ATP2B2: variants seen among roughly 807,000 people sequenced by gnomAD.
The protein encoded by ATP2B2 is plasma membrane calcium-transporting ATPase 2.
A neutral mutation model predicts 120.0 loss-of-function variants in ATP2B2; 15 were observed. The ratio of observed to expected loss-of-function variants is 0.12; its 90% confidence interval spans 0.08 to 0.19. The LOEUF (loss-of-function observed/expected upper bound fraction) is 0.19. ATP2B2 is among the 10% of genes least tolerant of loss of function. The probability of loss-of-function intolerance (pLI) is 1.00; values close to 1 mark genes in which losing one functional copy is unlikely to be tolerated. For missense variants in ATP2B2, 1,045 were observed against 1,719.8 expected (o/e 0.61, Z 6.94); for synonymous variants, 694 against 700.3 (o/e 0.99, Z 0.14).
intron 2 of ATP2B2, among the ~76,000 whole-genome samples, chr3:10,588,989 C>T (rs754126125): frequency 5.3e-5 from 8 of 152,130 alleles, no homozygotes; most frequent in Non-Finnish European, 7.3e-5. Context: ...GTTCCCAGAT[C>T]CCGACATCTT....
intron 1 of ATP2B2, among the ~76,000 whole-genome samples, chr3:10,661,590 A>G (rs1279569388): frequency 6.6e-6 from 1 of 152,230 alleles, no homozygotes; most frequent in Non-Finnish European, 1.5e-5. Flanking sequence ...CTGCTCAATG[A>G]AATAAAAGAG....
At chr3:10,521,888 A>C (rs545270671) in intron 3 of ATP2B2, among the ~76,000 whole-genome samples, 18 of 152,342 alleles carry the variant, frequency 1.2e-4, no homozygotes, top group Middle Eastern at 6.8e-3. Context: ...GGGAGGCAAT[A>C]TTAGCCCATT....
In ATP2B2 at chr3:10,599,317, T is replaced by G. The variant is rs577771789; in HGVS notation, c.-415+20600A>C. Among the ~76,000 whole-genome samples the G allele has an allele frequency of 3.9e-5, 6 of 152,290 alleles. No individual in the cohort carries two copies. In the South Asian group the frequency reaches 1.2e-3, roughly 32 times the overall value. On this transcript the variant is annotated intron_variant, in intron 2 of 21. Transcript: ENST00000646379. ...TGCTTCTCGCCATTGGTTCCCAGAA[T>G]TGGCCTCGCCCTCCTGAGCACTCCA...
At chr3:10,619,005 C>T (rs2069473106) in intron 2 of ATP2B2, among the ~76,000 whole-genome samples, 1 of 152,130 alleles carries the variant, frequency 6.6e-6, no homozygotes, top group African/African-American at 2.4e-5. Flanking sequence ...CTTGTCAAAC[C>T]TTGGAGCAGT....
intron 14 of ATP2B2, among the ~76,000 whole-genome samples, chr3:10,353,855 G>A (rs1001062324): frequency 4.6e-5 from 7 of 152,158 alleles, no homozygotes; most frequent in Non-Finnish European, 8.8e-5. Context: ...CATGAGCCCT[G>A]GTTTCCTCAT....
chr3:10,547,810 G>T (rs1263052111), intron 2 of ATP2B2, among the ~76,000 whole-genome samples: 1 of 152,158 alleles, frequency 6.6e-6, no homozygotes, highest in Non-Finnish European at 1.5e-5. Context: ...ATGCCAAAGT[G>T]GAAGGGAATC....
At chr3:10,414,635 T>G (rs1276968925) in intron 2 of ATP2B2, among the ~76,000 whole-genome samples, 1 of 152,204 alleles carries the variant, frequency 6.6e-6, no homozygotes, top group African/African-American at 2.4e-5. Flanking sequence ...ATTAAAAACA[T>G]GCCAGGGCCA....
intron 7 of ATP2B2, among the ~76,000 whole-genome samples, chr3:10,385,645 C>G (rs2061655213): frequency 6.6e-6 from 1 of 152,170 alleles, no homozygotes; most frequent in South Asian, 2.1e-4. Context: ...AGAGAGTCCC[C>G]TGGAAGAGAG....
intron 1 of ATP2B2, among the ~76,000 whole-genome samples, chr3:10,489,192 C>T (rs1182042840): frequency 6.6e-6 from 1 of 152,204 alleles, no homozygotes; most frequent in African/African-American, 2.4e-5. Flanking sequence ...CTTCCCTGAC[C>T]TGATTCAAAA....
chr3:10,416,805 A>C (rs933763339), intron 2 of ATP2B2, among the ~76,000 whole-genome samples: 4 of 152,046 alleles, frequency 2.6e-5, no homozygotes, highest in Admixed American at 1.3e-4. Flanking sequence ...TTAATGTCGA[A>C]AATGCAAACG....
At chr3:10,414,850 G>C (rs995331440) in intron 2 of ATP2B2, among the ~76,000 whole-genome samples, 25 of 152,000 alleles carry the variant, frequency 1.6e-4, no homozygotes, top group Admixed American at 7.9e-4. Context: ...GAGGCCCTCT[G>C]TTCTTCAGAA....
chr3:10,465,884 T>A (rs2064716999), intron 1 of ATP2B2, among the ~76,000 whole-genome samples: 1 of 152,134 alleles, frequency 6.6e-6, no homozygotes, highest in South Asian at 2.1e-4. Context: ...CTGCACTGAG[T>A]TGGTCCCTAA....
At chr3:10,488,269 CCATCCATGCATGCATCCAT>C (rs2065784833) in intron 1 of ATP2B2, among the ~76,000 whole-genome samples, 4 of 135,100 alleles carry the variant, frequency 3.0e-5, no homozygotes, top group Admixed American at 7.0e-5. Flanking sequence ...ATCCATCCAT[CCATCCATGCATGCATCCAT>C]CCACCCACCC....
At chr3:10,667,453 G>C (rs1187647981) in intron 1 of ATP2B2, among the ~76,000 whole-genome samples, 1 of 152,208 alleles carries the variant, frequency 6.6e-6, no homozygotes, top group African/African-American at 2.4e-5. Flanking sequence ...AGCAGGGAAA[G>C]GCTGGGTGAG....
chr3:10,386,581 G>GCA, intron 6 of ATP2B2, 69 bp from the exon 7 acceptor site: 1 of 1,530,092 alleles, frequency 6.5e-7, no homozygotes, highest in Non-Finnish European at 9.1e-7. Flanking sequence ...ATGCGCACGC[G>GCA]CACACACACA....
chr3:10,644,795 T>C (rs986944421), intron 1 of ATP2B2, among the ~76,000 whole-genome samples: 2 of 152,178 alleles, frequency 1.3e-5, no homozygotes, highest in Non-Finnish European at 2.9e-5. Flanking sequence ...TTTGGGGTGA[T>C]GGAAATGTTT....
At chr3:10,423,173 T>C (rs925547384) in intron 2 of ATP2B2, among the ~76,000 whole-genome samples, 1 of 152,238 alleles carries the variant, frequency 6.6e-6, no homozygotes, top group African/African-American at 2.4e-5. Context: ...AATTAAAAAA[T>C]TAACAAACTT....
intron 1 of ATP2B2, among the ~76,000 whole-genome samples, chr3:10,699,321 C>T (rs1022380159): frequency 6.6e-6 from 1 of 152,108 alleles, no homozygotes; most frequent in South Asian, 2.1e-4. Context: ...AACATAGGTG[C>T]CCATGAGAAA....
chr3:10,584,932 C>A (rs916284988), intron 2 of ATP2B2, among the ~76,000 whole-genome samples: 23 of 152,220 alleles, frequency 1.5e-4, no homozygotes, highest in African/African-American at 5.3e-4. Flanking sequence ...CTCTCTTAGA[C>A]CCCTCTGTTT....
Sources: gnomAD v4.1 joint callset for allele counts (sites outside exome capture counted in the v4.1 genomes callset) on GRCh38, gnomAD v4.1.1 for gene constraint, MANE v1.5 for transcripts, NCBI Gene and HGNC (gene_info 2026-07-23, HGNC 2026-07-21) for gene names.